The following ZNF407 variants were observed in gnomAD, a reference collection of about 807,000 sequenced individuals.
ZNF407 encodes zinc finger protein 407.
ZNF407 carries 17 observed loss-of-function variants against 131.2 expected under a neutral mutation model. The ratio of observed to expected loss-of-function variants is 0.13; its 90% CI spans 0.09 to 0.19. The LOEUF is 0.19. Ranked by LOEUF, ZNF407 falls within the 10% of genes least tolerant of loss-of-function variation. ZNF407 has a pLI of 1.00. For missense variants in ZNF407, 2,681 were observed against 2,830.6 expected, an observed-to-expected ratio of 0.95 and a Z score of 1.20; for synonymous variants, 1,156 against 1,062.0, an observed-to-expected ratio of 1.09 and a Z score of -1.72.
chr18:74,696,151 G>A (rs1339435019), intron 3 of ZNF407, among the ~76,000 whole-genome samples: 1 of 152,188 alleles, frequency 6.6e-6, no homozygotes, highest in Non-Finnish European at 1.5e-5. Context: ...CTCCAAGAAC[G>A]AAAATCTAGG....
chr18:74,803,861 A>T, intron 4 of ZNF407: 2 of 1,251,214 alleles, frequency 1.6e-6, no homozygotes, highest in Non-Finnish European at 2.2e-6. Flanking sequence ...CATGGTTTCA[A>T]AAAGGTCAGG....
At chr18:74,873,777 G>T (rs566990435) in intron 4 of ZNF407, among the ~76,000 whole-genome samples, 3 of 152,052 alleles carry the variant, frequency 2.0e-5, no homozygotes, top group Admixed American at 2.0e-4. Flanking sequence ...TGACTTCCAT[G>T]GCATAGCTAC....
At chr18:74,843,332 T>TA (rs1289130000) in intron 4 of ZNF407, among the ~76,000 whole-genome samples, 2 of 152,176 alleles carry the variant, frequency 1.3e-5, no homozygotes, top group Middle Eastern at 3.2e-3. Context: ...CGTTTATATT[T>TA]ATTCAGTCAT....
At chr18:74,847,069 G>T (rs376139354) in intron 4 of ZNF407, among the ~76,000 whole-genome samples, 1 of 152,106 alleles carries the variant, frequency 6.6e-6, no homozygotes, top group Non-Finnish European at 1.5e-5. Flanking sequence ...CTCTTAGGAT[G>T]TTCTACTGAG....
At chr18:74,947,040 T>C (rs1599258335) in intron 8 of ZNF407, among the ~76,000 whole-genome samples, 1 of 152,328 alleles carries the variant, frequency 6.6e-6, no homozygotes, top group East Asian at 1.9e-4. Context: ...TCTTGTCAAT[T>C]TGACTAGTAG....
At chr18:74,958,465 C>CTG (rs1972301865) in intron 8 of ZNF407, among the ~76,000 whole-genome samples, 2 of 151,554 alleles carry the variant, frequency 1.3e-5, no homozygotes, top group Non-Finnish European at 2.9e-5. Flanking sequence ...GGAGGAGCCC[C>CTG]GTCATATACA....
At chr18:74,786,975 T>C (rs1044219877) in intron 4 of ZNF407, among the ~76,000 whole-genome samples, 1 of 151,668 alleles carries the variant, frequency 6.6e-6, no homozygotes, top group South Asian at 2.1e-4. Flanking sequence ...CCGGCTCACT[T>C]TTTTTGTTTT....
intron 3 of ZNF407, among the ~76,000 whole-genome samples, chr18:74,689,741 T>C (rs1967176367): frequency 6.6e-6 from 1 of 152,174 alleles, no homozygotes; most frequent in Non-Finnish European, 1.5e-5. Flanking sequence ...AAAAGGAAAA[T>C]GTCTTACAAA....
chr18:75,049,098 T>TGGTGG (rs1973468231), intron 8 of ZNF407, among the ~76,000 whole-genome samples: 3 of 39,668 alleles, frequency 7.6e-5, no homozygotes, highest in African/African-American at 1.1e-4. Context: ...TTTTTTTTTT[T>TGGTGG]GGGTGGGGGG....
intron 8 of ZNF407, among the ~76,000 whole-genome samples, chr18:74,931,357 A>G (rs1203907276): frequency 6.6e-6 from 1 of 152,216 alleles, no homozygotes; most frequent in African/African-American, 2.4e-5. Flanking sequence ...TCACTCAACA[A>G]GAGCAAGGCA....
intron 8 of ZNF407, among the ~76,000 whole-genome samples, chr18:74,980,318 G>GT (rs1416001124): frequency 7.7e-6 from 1 of 129,862 alleles, no homozygotes; most frequent in Non-Finnish European, 1.7e-5. Context: ...ATTTCTTTTT[G>GT]TTTTTTGAGA....
At chr18:74,996,918 AGTTT>A (rs1972786366) in intron 8 of ZNF407, among the ~76,000 whole-genome samples, 1 of 152,268 alleles carries the variant, frequency 6.6e-6, no homozygotes, top group Admixed American at 6.5e-5. Context: ...AATAACAGAT[AGTTT>A]AAGTGTTTTT....
At chr18:74,817,764 C>T (rs1477152894) in intron 4 of ZNF407, among the ~76,000 whole-genome samples, 1 of 152,162 alleles carries the variant, frequency 6.6e-6, no homozygotes, top group African/African-American at 2.4e-5. Flanking sequence ...AAGTTATGTG[C>T]AGGGCTTATG....
intron 2 of ZNF407, among the ~76,000 whole-genome samples, chr18:74,637,510 T>G (rs911589728): frequency 3.4e-5 from 5 of 148,746 alleles, no homozygotes; most frequent in African/African-American, 1.3e-4. Context: ...TTTTTTTTTT[T>G]AAACATCTTG....
chr18:75,005,937 G>C lies in ZNF407; in HGVS notation c.5429-57213G>C, dbSNP rs138817981. ...TAAAGTGAACAGCGGGTCTATGGGA[G>C]TTTTGATTCTTCGTTAGAACATAGT... On this transcript the variant is annotated intron_variant, in intron 8 of 8. Coordinates refer to ENST00000299687, the MANE Select transcript of ZNF407 (RefSeq NM_017757.3). 3.9e-5 allele frequency among the ~76,000 whole-genome samples: 6 copies of C among 152,242 alleles called. No homozygotes were observed. In the East Asian group the frequency reaches 1.2e-3, roughly 29 times the overall value.
intron 3 of ZNF407, among the ~76,000 whole-genome samples, chr18:74,653,348 A>G (rs1985310576): frequency 1.3e-5 from 2 of 151,920 alleles, no homozygotes; most frequent in South Asian, 2.1e-4. Context: ...ACAAAAGAAT[A>G]TTGTGTCCAT....
intron 3 of ZNF407, among the ~76,000 whole-genome samples, chr18:74,666,585 A>G (rs1433673806): frequency 3.9e-5 from 6 of 152,218 alleles, no homozygotes; most frequent in Admixed American, 3.3e-4. Context: ...ATAGGCACAC[A>G]GGAAGTAAGC....
At chr18:74,654,023 T>C (rs1985343124) in intron 3 of ZNF407, among the ~76,000 whole-genome samples, 1 of 151,800 alleles carries the variant, frequency 6.6e-6, no homozygotes, top group Admixed American at 6.6e-5. Context: ...AATATTTAGT[T>C]TTACATTAGC....
intron 4 of ZNF407, among the ~76,000 whole-genome samples, chr18:74,816,946 A>G (rs1277625989): frequency 6.6e-6 from 1 of 152,100 alleles, no homozygotes; most frequent in Non-Finnish European, 1.5e-5. Context: ...ATTCCCTCAT[A>G]TGTTTGTGCA....
Sources: allele counts gnomAD v4.1 joint callset (sites outside exome capture counted in the v4.1 genomes callset), GRCh38; gene constraint gnomAD v4.1.1; transcripts MANE v1.5; gene names NCBI Gene and HGNC (gene_info 2026-07-23, HGNC 2026-07-21).